CSMD2: variants seen among roughly 807,000 people sequenced by gnomAD.
The protein encoded by CSMD2 is CUB and sushi domain-containing protein 2.
In CSMD2, 130 loss-of-function variants were observed where a neutral mutation model predicts 398.5. The observed-to-expected ratio is 0.33, with a 90% CI of 0.28 to 0.38. The LOEUF is 0.38. Among genes scored for constraint, CSMD2 ranks in the 10% least tolerant of loss-of-function variants. CSMD2 has a pLI of 1.00. For synonymous variants in CSMD2, 1,828 were observed against 1,908.5 expected (o/e 0.96, Z 1.10); for missense variants, 3,829 against 4,764.9 (o/e 0.80, Z 5.78).
chr1:33,658,660 G>A (rs1297606073), intron 26 of CSMD2, among the ~76,000 whole-genome samples: 1 of 151,874 alleles, frequency 6.6e-6, no homozygotes, highest in Non-Finnish European at 1.5e-5. Flanking sequence ...TCAGGAGCTC[G>A]AGACCAGCCT....
At chr1:33,681,812 A>G (rs1017608266) in intron 25 of CSMD2, among the ~76,000 whole-genome samples, 2 of 152,150 alleles carry the variant, frequency 1.3e-5, no homozygotes, top group Non-Finnish European at 2.9e-5. Flanking sequence ...CTAAAAGTAC[A>G]AAAATTAGCC....
rs9919284 is a variant in CSMD2 at position 34,136,550 on chromosome 1, C to A, written c.187+28361G>T. 1.8e-3 allele frequency among the ~76,000 whole-genome samples: 268 copies of A among 152,276 alleles called. 1 individual carries two copies. Among genetic ancestry groups the A allele is most frequent in the African/African-American group, 6.1e-3 (252 of 41,560 alleles). On this transcript the variant is annotated intron_variant, in intron 1 of 70. Coordinates refer to ENST00000373381, the MANE Select transcript of CSMD2 (RefSeq NM_001281956.2). ...TGCTGGGGTTACAGGCCTGACATAT[C>A]ATGATTTTTCATTAACGGCACTTGT...
At chr1:33,599,852 C>A (rs529883807) in intron 44 of CSMD2, 3 of 320,368 alleles carry the variant, frequency 9.4e-6, no homozygotes, top group Admixed American at 4.7e-5. Context: ...TCTTTCACTA[C>A]CTCTTTCACA....
intron 5 of CSMD2, among the ~76,000 whole-genome samples, chr1:33,892,316 ATTGAT>A (rs1307758428): frequency 1.3e-5 from 2 of 152,122 alleles, no homozygotes; most frequent in Admixed American, 1.3e-4. Flanking sequence ...AAAAAAAATT[ATTGAT>A]TTATTTTTCA....
At chr1:33,995,486 A>C (rs1182763106) in intron 3 of CSMD2, among the ~76,000 whole-genome samples, 1 of 152,170 alleles carries the variant, frequency 6.6e-6, no homozygotes, top group Non-Finnish European at 1.5e-5. Flanking sequence ...GCAATCTAGG[A>C]TCAAAAGCCA....
intron 19 of CSMD2, among the ~76,000 whole-genome samples, chr1:33,722,683 A>AT (rs11330386): frequency 1.5e-3 from 216 of 144,300 alleles, no homozygotes; most frequent in Admixed American, 4.4e-3. Context: ...ACATGTTGCG[A>AT]TTTTTTTTTT....
intron 47 of CSMD2, among the ~76,000 whole-genome samples, chr1:33,581,594 A>C (rs1193194799): frequency 1.3e-5 from 2 of 151,780 alleles, no homozygotes; most frequent in Non-Finnish European, 2.9e-5. Flanking sequence ...ATAGAAAAAA[A>C]TATTTATGGA....
intron 1 of CSMD2, among the ~76,000 whole-genome samples, chr1:34,157,024 T>C (rs941419739): frequency 6.6e-6 from 1 of 152,156 alleles, no homozygotes; most frequent in African/African-American, 2.4e-5. Context: ...TGTCTTTCTC[T>C]GATGGTGGAC....
rs745872229 is a variant in CSMD2, at chr1:33,714,684, G to A, written c.3309C>T (p.Phe1103=). The A allele has an allele frequency of 2.0e-5, 32 of 1,613,968 alleles. 1 individual carries two copies. The highest frequency in any genetic ancestry group is 2.2e-5 in the South Asian group (2 of 91,092). The change falls in exon 21 of 71, where the codon TTC becomes TTT. Residue 1103 remains phenylalanine, a synonymous_variant. Coordinates refer to ENST00000373381, the MANE Select transcript of CSMD2 (RefSeq NM_001281956.2). ...LQFGVGDTLT[F]SCFPGYRLEG... ...CCAGACGGTACCCGGGGAAGCAGGA[G>A]AAGGTCAAGGTGTCGCCCACGCCAA...
intron 1 of CSMD2, among the ~76,000 whole-genome samples, chr1:34,105,515 G>A (rs1571139078): frequency 1.3e-5 from 2 of 152,280 alleles, no homozygotes; most frequent in African/African-American, 4.8e-5. Context: ...CAGGGGATTA[G>A]CAGGCCAAAA....
rs530076257 is a variant in CSMD2, at chr1:33,692,132, C to G, written c.4052+798G>C. On this transcript the variant is annotated intron_variant, in intron 25 of 70. Coordinates refer to ENST00000373381, the MANE Select transcript of CSMD2 (RefSeq NM_001281956.2). ...AATGCCTATTTGTTATTAGGGCTTACTATTATTATCAATAGGGCTATTGCA... is the reference window on the plus strand; with the variant it reads ...AATGCCTATTTGTTATTAGGGCTTAGTATTATTATCAATAGGGCTATTGCA... 5.9e-5 allele frequency among the ~76,000 whole-genome samples: 9 copies of G among 152,296 alleles called. No individual in the cohort carries two copies. In the South Asian group the frequency reaches 1.9e-3, roughly 32 times the overall value.
At chr1:33,522,510 C>T (rs56150824) in intron 67 of CSMD2, among the ~76,000 whole-genome samples, 12,882 of 152,218 alleles carry the variant, frequency 0.085, 561 homozygotes, top group Non-Finnish European at 0.098. Context: ...AAGGAACTAC[C>T]TGTATGTGCC....
chr1:34,054,290 A>G (rs1653563504), intron 2 of CSMD2, among the ~76,000 whole-genome samples: 1 of 152,208 alleles, frequency 6.6e-6, no homozygotes, highest in Non-Finnish European at 1.5e-5. Flanking sequence ...ATTTATGACT[A>G]GTACGAAGCC....
intron 15 of CSMD2, among the ~76,000 whole-genome samples, chr1:33,733,911 C>T (rs1007136191): frequency 2.0e-5 from 3 of 152,146 alleles, no homozygotes; most frequent in Non-Finnish European, 4.4e-5. Context: ...AAGCAATTGG[C>T]CTGGTATTTA....
chr1:33,672,935 G>A (rs890262424), intron 25 of CSMD2, among the ~76,000 whole-genome samples: 1 of 152,124 alleles, frequency 6.6e-6, no homozygotes. Context: ...CAAACAGAAA[G>A]GACATCCACA....
intron 2 of CSMD2, among the ~76,000 whole-genome samples, chr1:34,078,509 G>A (rs1656686146): frequency 6.6e-6 from 1 of 152,148 alleles, no homozygotes. Flanking sequence ...CGTAAACAAT[G>A]TTTCCGGACC....
intron 5 of CSMD2, chr1:33,862,405 G>T (rs535811410): frequency 2.7e-4 from 40 of 149,034 alleles, no homozygotes; most frequent in Middle Eastern, 3.5e-3. Flanking sequence ...GTCTGAGCCT[G>T]AGCAGAGTCT....
At chr1:33,918,425 A>G (rs1643835273) in intron 4 of CSMD2, 124 bp from the exon 5 acceptor site, 2 of 793,668 alleles carry the variant, frequency 2.5e-6, no homozygotes, top group Admixed American at 5.1e-5. Flanking sequence ...GTTTGTGGAC[A>G]TAGATAAAGC....
intron 24 of CSMD2, among the ~76,000 whole-genome samples, chr1:33,696,590 G>T (rs543822147): frequency 8.4e-4 from 128 of 152,252 alleles, no homozygotes; most frequent in African/African-American, 3.0e-3. Context: ...AGAAAGGTGG[G>T]AGGGCATTAT....
Sources: allele counts gnomAD v4.1 joint callset (sites outside exome capture counted in the v4.1 genomes callset), GRCh38; gene constraint gnomAD v4.1.1; transcripts MANE v1.5; gene names NCBI Gene and HGNC (gene_info 2026-07-23, HGNC 2026-07-21).